The following RIMS2 variants were observed in gnomAD, a reference collection of about 807,000 sequenced individuals.
RIMS2 encodes regulating synaptic membrane exocytosis 2.
In RIMS2, 59 loss-of-function variants were observed where a neutral mutation model predicts 174.4. The observed-to-expected ratio is 0.34, with a 90% CI of 0.27 to 0.42. The LOEUF (loss-of-function observed/expected upper bound fraction) is 0.42. Ranked by LOEUF, RIMS2 falls within the 10% of genes least tolerant of loss-of-function variation. The probability of loss-of-function intolerance (pLI) is 1.00; values close to 1 mark genes in which losing one functional copy is unlikely to be tolerated. For missense variants in RIMS2, 1,620 were observed against 1,666.3 expected (o/e 0.97, Z 0.48); for synonymous variants, 606 against 572.5 (o/e 1.06, Z -0.84).
intron 1 of RIMS2, chr8:103,568,744 A>C (rs1020816915): frequency 9.7e-7 from 1 of 1,034,472 alleles, no homozygotes; most frequent in African/African-American, 1.6e-5. Flanking sequence ...GCAGCTGTAG[A>C]TTCTTCACTG....
At chr8:103,794,354 T>A (rs1325233094) in intron 3 of RIMS2, among the ~76,000 whole-genome samples, 1 of 152,162 alleles carries the variant, frequency 6.6e-6, no homozygotes, top group Non-Finnish European at 1.5e-5. Context: ...ATTTAATCAA[T>A]GGTGCTGGGA....
intron 1 of RIMS2, among the ~76,000 whole-genome samples, chr8:103,592,268 C>G (rs951789477): frequency 6.6e-6 from 1 of 151,114 alleles, no homozygotes; most frequent in Non-Finnish European, 1.5e-5. Flanking sequence ...AACCATTATC[C>G]TATGACAGGG....
intron 3 of RIMS2, among the ~76,000 whole-genome samples, chr8:103,847,133 A>G (rs2098971943): frequency 6.6e-6 from 1 of 151,966 alleles, no homozygotes; most frequent in South Asian, 2.1e-4. Context: ...AGCATCCCCC[A>G]CTTTAGGAAC....
intron 19 of RIMS2, among the ~76,000 whole-genome samples, chr8:104,016,321 TA>T (rs1167031573): frequency 1.3e-5 from 2 of 152,198 alleles, no homozygotes; most frequent in Non-Finnish European, 1.5e-5. Flanking sequence ...ATGTTTATAT[TA>T]AATTCGTATT....
At position 103,734,014 on chromosome 8, in the gene RIMS2, C is replaced by CTTTTTTTTTTTTTTTTTTTTT. The variant is rs59348302; in HGVS notation, c.388-32208_388-32188dup. On this transcript the variant is annotated intron_variant, in intron 2 of 23. Transcript: ENST00000504942. ...CTTGCTTTACCTCTCCTAAAAGCTT[C>CTTTTTTTTTTTTTTTTTTTTT]TTTTTTTTTTTTTTTTTTTTTTTTT... is the stretch of plus-strand genomic sequence containing the variant. 9.3e-5 allele frequency among the ~76,000 whole-genome samples: 8 copies of CTTTTTTTTTTTTTTTTTTTTT among 85,738 alleles called. 1 individual carries two copies. Among genetic ancestry groups the CTTTTTTTTTTTTTTTTTTTTT allele is most frequent in the African/African-American group, 3.8e-4 (7 of 18,570 alleles). The allele number at this position is 85,738 out of a possible 152,430, so 56.2% of individuals were successfully genotyped here.
At chr8:104,223,477 A>G in intron 19 of RIMS2, 2 of 1,374,492 alleles carry the variant, frequency 1.5e-6, no homozygotes, top group South Asian at 3.5e-5. Flanking sequence ...CCCGGCGGCC[A>G]GGAAAGCCAC....
intron 3 of RIMS2, among the ~76,000 whole-genome samples, chr8:103,798,967 A>C (rs1422137444): frequency 6.7e-6 from 1 of 149,584 alleles, no homozygotes; most frequent in East Asian, 2.0e-4. Context: ...AGGAGGAGAG[A>C]TTCAAAGCAG....
rs1419434311 is a variant in RIMS2 at position 103,826,969 on chromosome 8, C to T, written c.699-58329C>T. On this transcript the variant is annotated intron_variant, in intron 3 of 23. Transcript: ENST00000504942. ...GGGATTACAGGCATGAGCCACTATG[C>T]CCAGCCTCATATATTTTTTATAATC... Among the ~76,000 whole-genome samples the T allele has an allele frequency of 3.9e-5, 6 of 152,034 alleles. No individual in the cohort carries two copies. In the East Asian group the frequency reaches 1.2e-3, roughly 29 times the overall value.
chr8:104,124,671 G>A (rs1055855974), intron 19 of RIMS2, among the ~76,000 whole-genome samples: 1 of 152,172 alleles, frequency 6.6e-6, no homozygotes, highest in Non-Finnish European at 1.5e-5. Flanking sequence ...TTTAGAAATT[G>A]TATACTTCAT....
chr8:103,694,368 T>C (rs985060444), intron 1 of RIMS2, among the ~76,000 whole-genome samples: 1 of 151,866 alleles, frequency 6.6e-6, no homozygotes, highest in Non-Finnish European at 1.5e-5. Context: ...CTGGAACTTG[T>C]ATCTTCTGGT....
chr8:103,927,902 T>C (rs1186345782), intron 11 of RIMS2: 1 of 1,602,842 alleles, frequency 6.2e-7, no homozygotes, highest in Non-Finnish European at 8.5e-7. Context: ...AAAGGCCTTG[T>C]CTGCCTGATA....
intron 7 of RIMS2, 118 bp downstream of exon 10, chr8:103,915,712 A>G (rs1162235754): frequency 2.1e-6 from 1 of 473,972 alleles, no homozygotes; most frequent in Non-Finnish European, 3.7e-6. Context: ...ACTTAGATAT[A>G]AATCTCTATT....
chr8:103,584,514 C>A (rs2093796239), intron 1 of RIMS2, among the ~76,000 whole-genome samples: 1 of 151,692 alleles, frequency 6.6e-6, no homozygotes, highest in Non-Finnish European at 1.5e-5. Flanking sequence ...ATGACACAAT[C>A]AAAATAACTA....
chr8:103,559,486 G>C lies in RIMS2; in HGVS notation c.176+58424G>C, dbSNP rs1204861817. ...AAGCTGCAGAGTTTCCTGCTGTGGA[G>C]GTGGCTGCTGTGAGAAGGGAGCAGG... On this transcript the variant is annotated intron_variant, in intron 1 of 23. Transcript: ENST00000504942. 3 of 290,142 alleles carry C rather than the reference G, an allele frequency of 1.0e-5. No homozygotes were observed. In the East Asian group the frequency reaches 4.0e-4, roughly 39 times the overall value. The allele number at this position is 290,142 out of a possible 1,614,324, so 18.0% of individuals were successfully genotyped here.
intron 1 of RIMS2, among the ~76,000 whole-genome samples, chr8:103,689,348 T>G (rs916493318): frequency 5.9e-5 from 9 of 152,172 alleles, no homozygotes; most frequent in Admixed American, 5.9e-4. Flanking sequence ...GGATGAGATG[T>G]TCTGTAAATA....
intron 19 of RIMS2, among the ~76,000 whole-genome samples, chr8:104,056,941 C>T (rs1417695364): frequency 6.6e-6 from 1 of 152,032 alleles, no homozygotes; most frequent in African/African-American, 2.4e-5. Flanking sequence ...TACCCATTCC[C>T]CAAATCTGAG....
chr8:103,507,520 A>G (rs756059489), intron 1 of RIMS2, among the ~76,000 whole-genome samples: 3 of 152,094 alleles, frequency 2.0e-5, no homozygotes, highest in Non-Finnish European at 1.5e-5. Context: ...AGGTGGTACA[A>G]ACTTTCAAGG....
chr8:104,082,747 G>A (rs1481283997), intron 19 of RIMS2, among the ~76,000 whole-genome samples: 1 of 151,466 alleles, frequency 6.6e-6, no homozygotes, highest in Non-Finnish European at 1.5e-5. Context: ...TATCTTATAT[G>A]TTAACATCTA....
At chr8:103,662,123 A>G (rs1436401998) in intron 1 of RIMS2, among the ~76,000 whole-genome samples, 1 of 152,198 alleles carries the variant, frequency 6.6e-6, no homozygotes, top group Non-Finnish European at 1.5e-5. Flanking sequence ...AAATCTTATA[A>G]TACTTTAAGA....
Sources: gnomAD v4.1 joint callset for allele counts (sites outside exome capture counted in the v4.1 genomes callset) on GRCh38, gnomAD v4.1.1 for gene constraint, MANE v1.5 for transcripts, NCBI Gene and HGNC (gene_info 2026-07-23, HGNC 2026-07-21) for gene names.